Variants in JAZF1 observed in about 807,000 individuals in gnomAD.
JAZF1 encodes the protein juxtaposed with another zinc finger protein 1.
In JAZF1, 8 loss-of-function variants were observed where a neutral mutation model predicts 26.4. That is an observed-to-expected ratio of 0.30 (90% CI 0.18 to 0.55). The LOEUF (loss-of-function observed/expected upper bound fraction) is 0.55. Among genes scored for constraint, JAZF1 ranks in the 20% least tolerant of loss-of-function variants. JAZF1 has a pLI of 0.94. For synonymous variants in JAZF1, 126 were observed against 122.3 expected, an observed-to-expected ratio of 1.03 and a Z score of -0.20; for missense variants, 199 against 322.0, an observed-to-expected ratio of 0.62 and a Z score of 2.92.
At chr7:28,169,414 A>G (rs894182683) in intron 1 of JAZF1, among the ~76,000 whole-genome samples, 2 of 152,220 alleles carry the variant, frequency 1.3e-5, no homozygotes, top group African/African-American at 4.8e-5. Flanking sequence ...GAAAGATCTT[A>G]TTAAAAGATG....
intron 2 of JAZF1, among the ~76,000 whole-genome samples, chr7:27,948,044 G>A (rs1784945974): frequency 6.6e-6 from 1 of 152,162 alleles, no homozygotes. Flanking sequence ...AAAGGGGTGG[G>A]TGTGGCCTGC....
At chr7:28,150,471 G>T (rs909617263) in intron 1 of JAZF1, among the ~76,000 whole-genome samples, 45 of 152,190 alleles carry the variant, frequency 3.0e-4, no homozygotes, top group African/African-American at 1.0e-3. Flanking sequence ...TTCATCAAAA[G>T]GCATCACCTT....
At chr7:28,011,759 G>T (rs1362555658) in intron 1 of JAZF1, among the ~76,000 whole-genome samples, 1 of 152,058 alleles carries the variant, frequency 6.6e-6, no homozygotes, top group African/African-American at 2.4e-5. Flanking sequence ...CATAAAAAAT[G>T]ATAAACAAAC....
At chr7:27,964,876 A>C (rs922828927) in intron 2 of JAZF1, among the ~76,000 whole-genome samples, 6 of 152,150 alleles carry the variant, frequency 3.9e-5, no homozygotes, top group Non-Finnish European at 8.8e-5. Flanking sequence ...TTTAAAAAGA[A>C]AGAGAGCAAG....
rs1479631803 is a variant in JAZF1 at position 27,840,870 on chromosome 7, G to A, written c.386-3C>T. The A allele has an allele frequency of 1.2e-6, 2 of 1,613,812 alleles. No homozygotes were observed. Among genetic ancestry groups the A allele is most frequent in the East Asian group, 4.5e-5 (2 of 44,886 alleles). The stretch of plus-strand genomic sequence containing the variant: ...CTCCTCCTCGTCATACTCGCTGCCT[G>A]CAGGACAAGAGAAGTGCAAGGACTG... On this transcript the variant is annotated splice_polypyrimidine_tract_variant and splice_region_variant and intron_variant, in intron 3 of 4. Coordinates refer to ENST00000283928, the MANE Select transcript of JAZF1 (RefSeq NM_175061.4). This position sits in a 1 kb window ranked among gnomAD's most constrained non-coding sequence, Gnocchi z 5.1.
intron 1 of JAZF1, among the ~76,000 whole-genome samples, chr7:28,039,916 T>G (rs1474024483): frequency 6.6e-6 from 1 of 152,226 alleles, no homozygotes; most frequent in East Asian, 1.9e-4. Context: ...TAATTTATTC[T>G]GAAACATTAA....
intron 1 of JAZF1, among the ~76,000 whole-genome samples, chr7:28,111,051 C>T (rs1000501827): frequency 1.6e-4 from 24 of 152,254 alleles, no homozygotes; most frequent in African/African-American, 5.8e-4. Context: ...TTCCTGAGGA[C>T]TCTGCTACAG....
intron 3 of JAZF1, among the ~76,000 whole-genome samples, chr7:27,885,556 T>C (rs113428613): frequency 3.9e-5 from 6 of 152,382 alleles, no homozygotes; most frequent in African/African-American, 1.4e-4. Context: ...ATTCTAGATA[T>C]GAGGCCTTTA....
At chr7:27,965,270 T>C (rs1785254321) in intron 2 of JAZF1, among the ~76,000 whole-genome samples, 1 of 152,172 alleles carries the variant, frequency 6.6e-6, no homozygotes. Context: ...AAATCAGGCA[T>C]CTAATCAAAA....
chr7:27,887,032 T>C (rs1215309779), intron 3 of JAZF1, among the ~76,000 whole-genome samples: 2 of 152,160 alleles, frequency 1.3e-5, no homozygotes, highest in East Asian at 3.9e-4. Context: ...TTCTTACTTA[T>C]AAGTGGGAGC....
At chr7:28,133,130 A>T (rs896640200) in intron 1 of JAZF1, among the ~76,000 whole-genome samples, 6 of 152,202 alleles carry the variant, frequency 3.9e-5, no homozygotes, top group African/African-American at 1.4e-4. Flanking sequence ...TTTCACTAAA[A>T]CAGAAGATTC....
At chr7:28,121,948 G>C (rs1044459391) in intron 1 of JAZF1, among the ~76,000 whole-genome samples, 3 of 152,176 alleles carry the variant, frequency 2.0e-5, no homozygotes, top group Admixed American at 6.5e-5. Flanking sequence ...ACACCTAGAG[G>C]ATAGTTTGGT....
At chr7:28,096,703 T>A (rs191292094) in intron 1 of JAZF1, among the ~76,000 whole-genome samples, 11 of 152,272 alleles carry the variant, frequency 7.2e-5, no homozygotes, top group African/African-American at 1.4e-4. Flanking sequence ...ATTTTTTTTT[T>A]AATTCTCAAA....
chr7:28,078,758 A>G (rs929594657), intron 1 of JAZF1, among the ~76,000 whole-genome samples: 2 of 152,232 alleles, frequency 1.3e-5, no homozygotes, highest in Non-Finnish European at 2.9e-5. Flanking sequence ...GGAAAAGAAG[A>G]GAAGCAGCAG....
At chr7:27,876,479 A>C (rs1783682828) in intron 3 of JAZF1, among the ~76,000 whole-genome samples, 2 of 152,006 alleles carry the variant, frequency 1.3e-5, no homozygotes, top group Admixed American at 6.6e-5. Flanking sequence ...AGTCCCATTA[A>C]CACCACCGTT....
chr7:28,013,390 C>A (rs1164013785), intron 1 of JAZF1, among the ~76,000 whole-genome samples: 1 of 152,090 alleles, frequency 6.6e-6, no homozygotes, highest in Non-Finnish European at 1.5e-5. Context: ...ATAGGAGGGC[C>A]ATTCAGGATG....
chr7:28,107,020 T>C (rs1042488385), intron 1 of JAZF1, among the ~76,000 whole-genome samples: 6 of 152,218 alleles, frequency 3.9e-5, no homozygotes, highest in Non-Finnish European at 5.9e-5. Flanking sequence ...CGGTTCTTTA[T>C]TTCTGGAAGA....
At chr7:27,845,372 A>G (rs1036914052) in intron 3 of JAZF1, among the ~76,000 whole-genome samples, 5 of 152,146 alleles carry the variant, frequency 3.3e-5, no homozygotes, top group African/African-American at 1.2e-4. Context: ...AATGCAGACC[A>G]CTGAATCCCA....
At chr7:27,902,636 G>A (rs1245107972) in intron 2 of JAZF1, among the ~76,000 whole-genome samples, 1 of 152,194 alleles carries the variant, frequency 6.6e-6, no homozygotes. Context: ...TTGTGGTGAG[G>A]ATTAAGTAAG....
Sources: allele counts gnomAD v4.1 joint callset (sites outside exome capture counted in the v4.1 genomes callset), GRCh38; gene constraint gnomAD v4.1.1; non-coding constraint Gnocchi (gnomAD v3.1); transcripts MANE v1.5; gene names NCBI Gene and HGNC (gene_info 2026-07-23, HGNC 2026-07-21).